Variants in INHBE observed in about 807,000 individuals in gnomAD.
The protein encoded by INHBE is inhibin subunit beta E, also known as inhibin beta E chain.
INHBE carries 19 observed loss-of-function variants against 27.8 expected under a neutral mutation model. The observed-to-expected ratio is 0.68, with a 90% CI of 0.48 to 1.00. The LOEUF (loss-of-function observed/expected upper bound fraction) is 1.00. Ranked by LOEUF, INHBE falls within the 50% of genes least tolerant of loss-of-function variation. The pLI is 0.00. For missense variants in INHBE, 398 were observed against 433.9 expected (o/e 0.92, Z 0.73); for synonymous variants, 196 against 187.2 (o/e 1.05, Z -0.38).
At position 57,456,145 on chromosome 12, in the gene INHBE, G is replaced by T. The variant is rs149960496; in HGVS notation, c.350G>T (p.Arg117Leu). 5 of 1,613,786 alleles carry T rather than the reference G, an allele frequency of 3.1e-6. No individual in the cohort carries two copies. The highest frequency in any genetic ancestry group is 4.2e-6 in the Non-Finnish European group (5 of 1,179,918). ...CTCACTTTTCACCTGTCCACTCCTCGGTCCCACCACCTGTACCATGCCCGC... is the reference window on the plus strand; with the variant it reads ...CTCACTTTTCACCTGTCCACTCCTCTGTCCCACCACCTGTACCATGCCCGC... The part of the protein sequence containing the change: ...SLLTFHLSTP[R>L]SHHLYHARLW... The change falls in exon 2 of 2, where the codon CGG becomes CTG. Residue 117 changes from arginine (R) to leucine (L), a missense_variant. Physicochemically the swap from Arg to Leu is moderately radical, Grantham distance 102. Transcript: ENST00000266646.
rs1870798379 is a variant in INHBE, at chr12:57,455,308, G to A, written c.-229G>A. On this transcript the variant is annotated 5_prime_UTR_variant, in exon 1 of 2. Transcript: ENST00000266646. ...CTGGCTCTAAAGAGGCCCCAGGTCA[G>A]TAGCCAGACATGAGCTGTGAGGGTC... 1.8e-6 allele frequency: 1 copy of A among 567,496 alleles called. No homozygotes were observed. 35.2% of individuals were successfully genotyped at this position (567,496 alleles called of 1,614,324 possible). A position where few individuals can be genotyped will look rare whatever the true frequency, so the allele number is the denominator to read the frequency against.
Position 57,456,264 on chromosome 12 carries a change from C to G in INHBE, c.469C>G (p.Leu157Val). 6.2e-7 allele frequency: 1 copy of G among 1,614,170 alleles called. No homozygotes were observed. The highest frequency in any genetic ancestry group is 8.5e-7 in the Non-Finnish European group (1 of 1,180,034). Residue 157 changes from leucine to valine, a missense_variant, in exon 2 of 2, where the codon CTC becomes GTC. Leu to Val is a conservative substitution (Grantham distance 32, BLOSUM62 1). Transcript: ENST00000266646. ...GAGGAGGCGCCAAGGGTCCCGCACT[C>G]TCCTGGCTGAGCACCACATCACCAA... Reference protein sequence around the residue: ...PRRRRQGSRTLLAEHHITNLG... With the variant: ...PRRRRQGSRTVLAEHHITNLG...
chr12:57,457,056 A>G lies in INHBE; in HGVS notation c.*208A>G. The G allele has an allele frequency of 2.1e-6, 1 of 467,782 alleles. No homozygotes were observed. Among genetic ancestry groups the G allele is most frequent in the South Asian group, 2.2e-5 (1 of 45,340 alleles). 29.0% of individuals were successfully genotyped at this position (467,782 alleles called of 1,614,324 possible). On this transcript the variant is annotated 3_prime_UTR_variant, in exon 2 of 2. Transcript: ENST00000266646. ...TCCAGGTTGGCTGATGTGTTGGGAG[A>G]TGGGTAAAGCGTTTCTTCTAAAGGG... is the stretch of plus-strand genomic sequence containing the variant.
rs1870806487 is a variant in INHBE, at chr12:57,455,594, C to T, written c.58C>T (p.Gln20Ter). The T allele has an allele frequency of 6.2e-7, 1 of 1,613,822 alleles. No individual in the cohort carries two copies. Among genetic ancestry groups the T allele is most frequent in the African/African-American group, 1.3e-5 (1 of 74,916 alleles). Residue 20 changes from glutamine (Q) to a stop codon, truncating the protein, a stop_gained, in exon 1 of 2, where the codon CAG becomes TAG. Coordinates refer to ENST00000266646, the MANE Select transcript of INHBE (RefSeq NM_031479.5). LOFTEE classifies it high-confidence loss of function. Reference protein sequence around the residue: ...LVLLWALVRAQGTGSVCPSCG... With the variant: ...LVLLWALVRA ...GCTGCTGTGGGCACTGGTGCGAGCACAGGGGACAGGGTCTGTGTGTCCCTC... is the reference window on the plus strand; with the variant it reads ...GCTGCTGTGGGCACTGGTGCGAGCATAGGGGACAGGGTCTGTGTGTCCCTC...
rs376727832 is a variant in INHBE, at chr12:57,455,605, G to T, written c.69G>T (p.Gly23=). Residue 23 remains glycine, a synonymous_variant, in exon 1 of 2, where the codon GGG becomes GGT. Transcript: ENST00000266646. ...CACTGGTGCGAGCACAGGGGACAGGGTCTGTGTGTCCCTCCTGTGGGGGCT... is the reference window on the plus strand; with the variant it reads ...CACTGGTGCGAGCACAGGGGACAGGTTCTGTGTGTCCCTCCTGTGGGGGCT... ...LWALVRAQGT[G]SVCPSCGGSK... The T allele has an allele frequency of 1.9e-6, 3 of 1,613,924 alleles. No homozygotes were observed. In the African/African-American group the frequency reaches 4.0e-5, roughly 22 times the overall value.
chr12:57,455,866 C>A, intron 1 of INHBE, 32 bp downstream of exon 1: 1 of 1,596,630 alleles, frequency 6.3e-7, no homozygotes, highest in Non-Finnish European at 8.6e-7. Flanking sequence ...AGGCAAAGAG[C>A]AGACAGGGAA....
Position 57,455,642 on chromosome 12 carries a change from C to T in INHBE, c.106C>T (p.Pro36Ser), listed in dbSNP as rs768191306. ...CPSCGGSKLA[P>S]QAERALVLEL... ...CTCCTGTGGGGGCTCCAAACTGGCA[C>T]CCCAAGCAGAACGAGCTCTGGTGCT... The change falls in exon 1 of 2, where the codon CCC (proline) becomes TCC (serine). Residue 36 changes from proline to serine, a missense_variant. By Grantham distance (74) the Pro-to-Ser change is moderately conservative (BLOSUM62 -1). Coordinates refer to ENST00000266646, the MANE Select transcript of INHBE (RefSeq NM_031479.5). 1.1e-5 allele frequency: 18 copies of T among 1,613,930 alleles called. No individual in the cohort carries two copies. The African/African-American group carries it at 2.3e-4, about 20-fold the overall frequency.
At position 57,456,535 on chromosome 12, in the gene INHBE, G is replaced by A. The variant is rs775956626; in HGVS notation, c.740G>A (p.Cys247Tyr). 3 of 1,614,186 alleles carry A rather than the reference G, an allele frequency of 1.9e-6. No individual in the cohort carries two copies. Among genetic ancestry groups the A allele is most frequent in the Non-Finnish European group, 2.5e-6 (3 of 1,180,036 alleles). Reference protein sequence around the residue: ...TPTCEPATPLCCRRDHYVDFQ... With the variant: ...TPTCEPATPLYCRRDHYVDFQ... Reference sequence around the variant, plus strand: ...ACCTGTGAGCCTGCGACCCCCTTATGTTGCAGGCGAGACCATTACGTAGAC... The same window carrying A: ...ACCTGTGAGCCTGCGACCCCCTTATATTGCAGGCGAGACCATTACGTAGAC... Residue 247 changes from cysteine to tyrosine, a missense_variant, in exon 2 of 2, where the codon TGT becomes TAT. Coordinates refer to ENST00000266646, the MANE Select transcript of INHBE (RefSeq NM_031479.5).
chr12:57,456,529 C>A lies in INHBE; in HGVS notation c.734C>A (p.Pro245His). The change falls in exon 2 of 2, where the codon CCC (proline) becomes CAC (histidine). Residue 245 changes from proline (P) to histidine (H), a missense_variant. Pro to His is a moderately conservative substitution (Grantham distance 77). Transcript: ENST00000266646. Reference sequence around the variant, plus strand: ...ACCCCCACCTGTGAGCCTGCGACCCCCTTATGTTGCAGGCGAGACCATTAC... The same window carrying A: ...ACCCCCACCTGTGAGCCTGCGACCCACTTATGTTGCAGGCGAGACCATTAC... ...RRTPTCEPAT[P>H]LCCRRDHYVD... is the part of the protein sequence containing the mutation. The A allele has an allele frequency of 3.1e-6, 5 of 1,614,178 alleles. No homozygotes were observed. Among genetic ancestry groups the A allele is most frequent in the Non-Finnish European group, 4.2e-6 (5 of 1,180,018 alleles).
At chr12:57,455,899 G>A in intron 1 of INHBE, 65 bp downstream of exon 1, 2 of 1,503,802 alleles carry the variant, frequency 1.3e-6, no homozygotes, top group Non-Finnish European at 1.8e-6. Context: ...GGGGAGCCTG[G>A]CAGGAGCAGC....
chr12:57,456,860 G>T lies in INHBE; in HGVS notation c.*12G>T. The T allele has an allele frequency of 6.2e-7, 1 of 1,609,522 alleles. No individual in the cohort carries two copies. The highest frequency in any genetic ancestry group is 8.5e-7 in the Non-Finnish European group (1 of 1,177,136). On this transcript the variant is annotated 3_prime_UTR_variant, in exon 2 of 2. Coordinates refer to ENST00000266646, the MANE Select transcript of INHBE (RefSeq NM_031479.5). Reference sequence around the variant, plus strand: ...GTGGCTGCAGCTAGCAAGAGGACCTGGGGCTTTGGAGTGAAGAGACCAAGA... The same window carrying T: ...GTGGCTGCAGCTAGCAAGAGGACCTTGGGCTTTGGAGTGAAGAGACCAAGA...
At position 57,456,629 on chromosome 12, in the gene INHBE, G is replaced by A. The variant is rs1213658384; in HGVS notation, c.834G>A (p.Gly278=). 1.2e-6 allele frequency: 2 copies of A among 1,614,078 alleles called. No homozygotes were observed. The highest frequency in any genetic ancestry group is 1.1e-5 in the South Asian group (1 of 91,088). The part of the protein sequence containing the change: ...PEGYQLNYCS[G]QCPPHLAGSP... ...GGTACCAGCTGAATTACTGCAGTGG[G>A]CAGTGCCCTCCCCACCTGGCTGGCA... The change falls in exon 2 of 2, where the codon GGG becomes GGA. Residue 278 remains glycine, a synonymous_variant. Coordinates refer to ENST00000266646, the MANE Select transcript of INHBE (RefSeq NM_031479.5).
rs371521869 is a variant in INHBE at position 57,456,223 on chromosome 12, T to C, written c.428T>C (p.Phe143Ser). ...TLPGTLCLRI[F>S]RWGPRRRRQG... ...CCTGGCACTCTTTGCTTGAGGATCTTCCGATGGGGACCAAGGAGGAGGCGC... is the reference window on the plus strand; with the variant it reads ...CCTGGCACTCTTTGCTTGAGGATCTCCCGATGGGGACCAAGGAGGAGGCGC... The change falls in exon 2 of 2, where the codon TTC (phenylalanine) becomes TCC (serine). Residue 143 changes from phenylalanine (F) to serine (S), a missense_variant. By Grantham distance (155) the Phe-to-Ser change is radical (BLOSUM62 -2). Coordinates refer to ENST00000266646, the MANE Select transcript of INHBE (RefSeq NM_031479.5). 1.6e-5 allele frequency: 26 copies of C among 1,613,950 alleles called. No homozygotes were observed. The African/African-American group carries it at 3.2e-4, about 20-fold the overall frequency.
rs1401405794 is a variant in INHBE, at chr12:57,456,286, C to T, written c.491C>T (p.Thr164Ile). 1 of 1,614,160 alleles carries T rather than the reference C, an allele frequency of 6.2e-7. No homozygotes were observed. The change falls in exon 2 of 2, where the codon ACC becomes ATC. Residue 164 changes from threonine (T) to isoleucine (I), a missense_variant. Physicochemically the swap from Thr to Ile is moderately conservative, Grantham distance 89. Transcript: ENST00000266646. ...ACTCTCCTGGCTGAGCACCACATCA[C>T]CAACCTGGGCTGGCATACCTTAACT... ...SRTLLAEHHI[T>I]NLGWHTLTLP...
rs1030452932 is a variant in INHBE at position 57,456,497 on chromosome 12, G to C, written c.702G>C (p.Arg234Ser). The C allele has an allele frequency of 6.2e-7, 1 of 1,614,202 alleles. No homozygotes were observed. Among genetic ancestry groups the C allele is most frequent in the Non-Finnish European group, 8.5e-7 (1 of 1,180,038 alleles). The change falls in exon 2 of 2, where the codon AGG becomes AGC. Residue 234 changes from arginine (R) to serine (S), a missense_variant. By Grantham distance (110) the Arg-to-Ser change is moderately radical. Coordinates refer to ENST00000266646, the MANE Select transcript of INHBE (RefSeq NM_031479.5). ...RANEPGAGRA[R>S]RRTPTCEPAT... is the part of the protein sequence containing the mutation. The stretch of plus-strand genomic sequence containing the variant: ...ATGAGCCTGGAGCAGGCCGGGCCAG[G>C]AGGAGGACCCCCACCTGTGAGCCTG...
Position 57,455,368 on chromosome 12 carries a change from C to A in INHBE, c.-169C>A. ...TATCCATCAGATGATCTACTTTCAG[C>A]CTTCCTGAGTCCCAGACAATAGAAG... On this transcript the variant is annotated 5_prime_UTR_variant, in exon 1 of 2. Transcript: ENST00000266646. 6 of 630,754 alleles carry A rather than the reference C, an allele frequency of 9.5e-6. No individual in the cohort carries two copies. Among genetic ancestry groups the A allele is most frequent in the Middle Eastern group, 4.3e-4 (1 of 2,306 alleles). The allele number at this position is 630,754 out of a possible 1,614,324, so 39.1% of individuals were successfully genotyped here.
rs1199106817 is a variant in INHBE at position 57,456,755 on chromosome 12, A to T, written c.960A>T (p.Arg320=). ...ASTSCCVPTA[R]RPLSLLYLDH... ...CCTCCTGTTGTGTCCCTACTGCCCG[A>T]AGGCCCCTCTCTCTCCTCTACCTGG... The change falls in exon 2 of 2, where the codon CGA becomes CGT. Residue 320 remains arginine (R), a synonymous_variant. Coordinates refer to ENST00000266646, the MANE Select transcript of INHBE (RefSeq NM_031479.5). The T allele has an allele frequency of 6.2e-7, 1 of 1,614,060 alleles. No individual in the cohort carries two copies. Among genetic ancestry groups the T allele is most frequent in the Non-Finnish European group, 8.5e-7 (1 of 1,180,038 alleles).
At position 57,456,166 on chromosome 12, in the gene INHBE, C is replaced by T; in HGVS notation, c.371C>T (p.Ala124Val). 2 of 1,614,132 alleles carry T rather than the reference C, an allele frequency of 1.2e-6. No individual in the cohort carries two copies. Among genetic ancestry groups the T allele is most frequent in the Non-Finnish European group, 1.7e-6 (2 of 1,180,024 alleles). Residue 124 changes from alanine to valine, a missense_variant, in exon 2 of 2, where the codon GCC becomes GTC. Ala to Val is a moderately conservative substitution (Grantham distance 64). Coordinates refer to ENST00000266646, the MANE Select transcript of INHBE (RefSeq NM_031479.5). ...STPRSHHLYH[A>V]RLWLHVLPTL... ...CCTCGGTCCCACCACCTGTACCATGCCCGCCTGTGGCTGCACGTGCTCCCC... is the reference window on the plus strand; with the variant it reads ...CCTCGGTCCCACCACCTGTACCATGTCCGCCTGTGGCTGCACGTGCTCCCC...
Position 57,456,195 on chromosome 12 carries a change from C to A in INHBE, c.400C>A (p.Leu134Ile). The change falls in exon 2 of 2, where the codon CTT (leucine) becomes ATT (isoleucine). Residue 134 changes from leucine (L) to isoleucine (I), a missense_variant. Transcript: ENST00000266646. ...ARLWLHVLPTLPGTLCLRIFR... is the reference protein window; with the variant it reads ...ARLWLHVLPTIPGTLCLRIFR... Reference sequence around the variant, plus strand: ...CCTGTGGCTGCACGTGCTCCCCACCCTTCCTGGCACTCTTTGCTTGAGGAT... The same window carrying A: ...CCTGTGGCTGCACGTGCTCCCCACCATTCCTGGCACTCTTTGCTTGAGGAT... The A allele has an allele frequency of 1.2e-6, 2 of 1,614,176 alleles. No homozygotes were observed. The highest frequency in any genetic ancestry group is 8.5e-7 in the Non-Finnish European group (1 of 1,180,038).
Sources: allele counts gnomAD v4.1 joint callset, GRCh38; gene constraint gnomAD v4.1.1; transcripts MANE v1.5; gene names NCBI Gene and HGNC (gene_info 2026-07-23, HGNC 2026-07-21).